Variants in CACNA1C observed in about 807,000 individuals in gnomAD.
CACNA1C encodes voltage-dependent L-type calcium channel subunit alpha-1C.
CACNA1C carries 30 observed loss-of-function variants against 229.0 expected under a neutral mutation model. The observed-to-expected ratio is 0.13, with a 90% CI of 0.10 to 0.18. CACNA1C has a LOEUF of 0.18. CACNA1C is among the 10% of genes least tolerant of loss of function. The pLI is 1.00. For missense variants in CACNA1C, 1,658 were observed against 2,845.0 expected, an observed-to-expected ratio of 0.58 and a Z score of 9.49; for synonymous variants, 1,114 against 1,132.5, an observed-to-expected ratio of 0.98 and a Z score of 0.33.
Position 2,504,277 on chromosome 12 carries a change from A to G in CACNA1C, c.1114-565A>G, listed in dbSNP as rs1426144912. 3.3e-5 allele frequency among the ~76,000 whole-genome samples: 5 copies of G among 152,172 alleles called. No homozygotes were observed. In the South Asian group the frequency reaches 6.2e-4, roughly 19 times the overall value. Reference sequence around the variant, plus strand: ...TTCGGTCACAGGAGTTCCTTTGAACATGGGCGATGCCCTGGGTAACACGGG... The same window carrying G: ...TTCGGTCACAGGAGTTCCTTTGAACGTGGGCGATGCCCTGGGTAACACGGG... On this transcript the variant is annotated intron_variant, in intron 7 of 46. Transcript: ENST00000399655. This position sits in a 1 kb window ranked among gnomAD's most constrained non-coding sequence, Gnocchi z 6.8.
intron 3 of CACNA1C, among the ~76,000 whole-genome samples, chr12:2,339,263 G>T (rs1195801873): frequency 6.6e-6 from 1 of 152,186 alleles, no homozygotes; most frequent in Non-Finnish European, 1.5e-5. Context: ...ACATAGAAAA[G>T]GTACAAAGTA....
chr12:2,409,359 A>G lies in CACNA1C; in HGVS notation c.478-39617A>G, dbSNP rs576096595. On this transcript the variant is annotated intron_variant, in intron 3 of 46. Transcript: ENST00000399655. ...ACAGGTGTAGAACTAGATCATCCCT[A>G]GGGACCCATCCTCTGGGAAGTATCT... is the stretch of plus-strand genomic sequence containing the variant. Among the ~76,000 whole-genome samples, 10 of 152,182 alleles carry G rather than the reference A, an allele frequency of 6.6e-5. No homozygotes were observed. In the East Asian group the frequency reaches 1.9e-3, roughly 30 times the overall value.
chr12:2,603,365 A>G (rs1367704113), intron 22 of CACNA1C: 1 of 152,244 alleles, frequency 6.6e-6, no homozygotes, highest in Non-Finnish European at 1.5e-5. Context: ...GAGAAATCGG[A>G]TCTTTCCACC....
At position 2,473,221 on chromosome 12, in the gene CACNA1C, C is replaced by T. The variant is rs186950233; in HGVS notation, c.758-12883C>T. Among the ~76,000 whole-genome samples the T allele has an allele frequency of 1.1e-3, 166 of 152,292 alleles. 2 individuals carry two copies. The highest frequency in any genetic ancestry group is 1.4e-3 in the Non-Finnish European group (93 of 68,026). On this transcript the variant is annotated intron_variant, in intron 5 of 46. Transcript: ENST00000399655. The stretch of plus-strand genomic sequence containing the variant: ...TATCTGATATGCCTCATTGGTTTCA[C>T]CTTGTACCTGTACAACCCAGCCCTA...
At chr12:2,499,726 C>A (rs1214995354) in intron 7 of CACNA1C, among the ~76,000 whole-genome samples, 1 of 152,118 alleles carries the variant, frequency 6.6e-6, no homozygotes, top group East Asian at 1.9e-4. Flanking sequence ...GTCAGGAGAC[C>A]TGAGGAACAC....
At chr12:2,462,566 A>G (rs2099517585) in intron 5 of CACNA1C, among the ~76,000 whole-genome samples, 1 of 152,238 alleles carries the variant, frequency 6.6e-6, no homozygotes, top group Non-Finnish European at 1.5e-5. Flanking sequence ...CTGTGTCCTC[A>G]GCACCGACAA....
intron 3 of CACNA1C, among the ~76,000 whole-genome samples, chr12:2,176,920 G>T (rs1424562768): frequency 2.0e-5 from 3 of 152,168 alleles, no homozygotes; most frequent in South Asian, 2.1e-4. Flanking sequence ...GCACATTCAG[G>T]GGGAACTTCT....
At chr12:2,315,152 A>G (rs2095624092) in intron 3 of CACNA1C, among the ~76,000 whole-genome samples, 2 of 152,206 alleles carry the variant, frequency 1.3e-5, no homozygotes, top group Non-Finnish European at 2.9e-5. Flanking sequence ...AACCCATTCT[A>G]TAGCTCATAT....
Position 2,108,185 on chromosome 12 carries a change from C to T in CACNA1C, c.50-7039C>T, listed in dbSNP as rs2079993091. Reference sequence around the variant, plus strand: ...GGGTTCAGGCCTATAACAGAAACTTCTGTAGCCGTGTTTAGAGGAAAGATA... The same window carrying T: ...GGGTTCAGGCCTATAACAGAAACTTTTGTAGCCGTGTTTAGAGGAAAGATA... On this transcript the variant is annotated intron_variant, in intron 1 of 46. Coordinates refer to ENST00000399655, the MANE Select transcript of CACNA1C (RefSeq NM_000719.7). This position sits in a 1 kb window ranked among gnomAD's most constrained non-coding sequence, Gnocchi z 5.3. Among the ~76,000 whole-genome samples, 1 of 152,192 alleles carries T rather than the reference C, an allele frequency of 6.6e-6. No individual in the cohort carries two copies. Among genetic ancestry groups the T allele is most frequent in the South Asian group, 2.1e-4 (1 of 4,828 alleles).
At chr12:2,262,092 G>A (rs117117150) in intron 3 of CACNA1C, among the ~76,000 whole-genome samples, 2 of 152,352 alleles carry the variant, frequency 1.3e-5, no homozygotes, top group East Asian at 3.9e-4. Context: ...TCGCCAAGGG[G>A]CACAGTGGAG....
chr12:2,379,968 T>TTGCAG (rs1445557228), intron 3 of CACNA1C, among the ~76,000 whole-genome samples: 1 of 140,516 alleles, frequency 7.1e-6, no homozygotes, highest in Non-Finnish European at 1.5e-5. Context: ...GAGGCGGAGC[T>TTGCAG]TGCAGTGAGC....
intron 43 of CACNA1C, among the ~76,000 whole-genome samples, chr12:2,683,834 T>C (rs1294437816): frequency 6.6e-6 from 1 of 152,166 alleles, no homozygotes; most frequent in Admixed American, 6.5e-5. Context: ...CAGTGAAGCG[T>C]GGCCAGGCAC....
intron 3 of CACNA1C, among the ~76,000 whole-genome samples, chr12:2,168,699 AT>A (rs1555263871): frequency 6.6e-6 from 1 of 151,798 alleles, no homozygotes; most frequent in Non-Finnish European, 1.5e-5. Context: ...CCTGACTTTG[AT>A]TTTTTTTCAG....
At chr12:2,628,101 C>T (rs542643703) in intron 29 of CACNA1C, among the ~76,000 whole-genome samples, 7 of 152,344 alleles carry the variant, frequency 4.6e-5, no homozygotes, top group East Asian at 1.9e-4. Flanking sequence ...CGGACTTCGT[C>T]GTGGACGCCT....
At chr12:2,592,108 T>C (rs1258444054) in intron 18 of CACNA1C, among the ~76,000 whole-genome samples, 1 of 152,224 alleles carries the variant, frequency 6.6e-6, no homozygotes, top group Non-Finnish European at 1.5e-5. Context: ...CGGGGGAAAC[T>C]GTTCAACCCA....
chr12:2,166,918 C>T (rs751067716), intron 3 of CACNA1C, among the ~76,000 whole-genome samples: 3 of 152,146 alleles, frequency 2.0e-5, no homozygotes, highest in Non-Finnish European at 2.9e-5. Context: ...GCCCTCCTTG[C>T]CACAGAAATA....
chr12:2,271,779 C>T (rs2085116210), intron 3 of CACNA1C, among the ~76,000 whole-genome samples: 1 of 151,906 alleles, frequency 6.6e-6, no homozygotes, highest in African/African-American at 2.4e-5. Context: ...GCCTGTAGTC[C>T]CAGCTACTTG....
At chr12:2,350,900 A>C (rs1457185865) in intron 3 of CACNA1C, among the ~76,000 whole-genome samples, 3 of 152,154 alleles carry the variant, frequency 2.0e-5, no homozygotes, top group Admixed American at 1.3e-4. Flanking sequence ...GACCTGTCGA[A>C]TCAAGCAAGG....
At chr12:2,661,027 G>A (rs552430109) in intron 34 of CACNA1C, 1 of 152,182 alleles carries the variant, frequency 6.6e-6, no homozygotes, top group African/African-American at 2.4e-5. Context: ...GGAGGCTGAG[G>A]TGGGAGGATC....
Sources: allele counts gnomAD v4.1 joint callset (sites outside exome capture counted in the v4.1 genomes callset), GRCh38; gene constraint gnomAD v4.1.1; non-coding constraint Gnocchi (gnomAD v3.1); transcripts MANE v1.5; gene names NCBI Gene and HGNC (gene_info 2026-07-23, HGNC 2026-07-21).